TEX10: variants seen among roughly 807,000 people sequenced by gnomAD.
The protein encoded by TEX10 is testis expressed 10.
TEX10 carries 24 observed loss-of-function variants against 104.4 expected under a neutral mutation model. The observed-to-expected ratio is 0.23, with a 90% CI of 0.17 to 0.32. TEX10 has a LOEUF of 0.32. Among genes scored for constraint, TEX10 ranks in the 10% least tolerant of loss-of-function variants. The pLI, the probability that TEX10 is intolerant of heterozygous loss-of-function variation, is 1.00. For missense variants in TEX10, 921 were observed against 1,083.9 expected, an observed-to-expected ratio of 0.85 and a Z score of 2.11; for synonymous variants, 396 against 393.4, an observed-to-expected ratio of 1.01 and a Z score of -0.08.
chr9:100,325,303 T>G (rs776436694), intron 9 of TEX10, among the ~76,000 whole-genome samples: 2 of 152,210 alleles, frequency 1.3e-5, no homozygotes, highest in East Asian at 3.8e-4. Flanking sequence ...ATACTATGAC[T>G]GAAGATATAT....
intron 6 of TEX10, 41 bp from the exon 7 acceptor site, chr9:100,329,316 ATGT>A (rs775121791): frequency 3.2e-6 from 5 of 1,576,454 alleles, no homozygotes; most frequent in Non-Finnish European, 4.3e-6. Context: ...GAATCAAAAA[ATGT>A]TTAACAGCCC....
intron 9 of TEX10, among the ~76,000 whole-genome samples, chr9:100,323,980 G>C (rs984754290): frequency 4.6e-5 from 7 of 152,108 alleles, no homozygotes; most frequent in African/African-American, 1.7e-4. Flanking sequence ...GAGCTATTTT[G>C]AATAAAAAAC....
chr9:100,347,068 A>G lies in TEX10; in HGVS notation c.519T>C (p.Ala173=), dbSNP rs369946094. ...ATATGCTGCTACGGCCAGTAATTAG[A>G]GCTGGGTACTGTTCCAGCAGAATGT... ...VLDILLEQYP[A]LITGRSSILL... The change falls in exon 3 of 15, where the codon GCT becomes GCC. Residue 173 remains alanine, a synonymous_variant. Transcript: ENST00000374902. The G allele has an allele frequency of 1.2e-6, 2 of 1,614,202 alleles. No homozygotes were observed. The highest frequency in any genetic ancestry group is 1.7e-6 in the Non-Finnish European group (2 of 1,180,024).
Position 100,327,947 on chromosome 9 carries a change from C to T in TEX10, c.1641G>A (p.Val547=), listed in dbSNP as rs747367525. 1.9e-6 allele frequency: 3 copies of T among 1,571,362 alleles called. No homozygotes were observed. The South Asian group carries it at 3.6e-5, about 19-fold the overall frequency. The part of the protein sequence containing the change: ...RSCRFRYRSK[V]LSRWLAGLPL... ...GTAAGCCAGCCAGCCAACGGGATAA[C>T]ACTTTACTACGATATCTTAGAAAGG... The change falls in exon 8 of 15, where the codon GTG becomes GTA. Residue 547 remains valine (V), a synonymous_variant. Transcript: ENST00000374902.
At position 100,347,394 on chromosome 9, in the gene TEX10, G is replaced by C; in HGVS notation, c.193C>G (p.Gln65Glu). 6.4e-7 allele frequency: 1 copy of C among 1,573,826 alleles called. No individual in the cohort carries two copies. Among genetic ancestry groups the C allele is most frequent in the Non-Finnish European group, 8.6e-7 (1 of 1,162,860 alleles). ...ACCCCAGCATTGTAGTGATGCATCT[G>C]TGACAGCAAATCCTATAAATAAAAA... ...RKLNIKDLLS[Q>E]MHHYNAGVKQ... The change falls in exon 3 of 15, where the codon CAG becomes GAG. Residue 65 changes from glutamine (Q) to glutamate (E), a missense_variant. Gln to Glu is a conservative substitution (Grantham distance 29, BLOSUM62 2). Around this residue, in one of 3 missense-constraint regions of TEX10, gnomAD observed 118 missense variants for 111.3 expected, o/e 1.06. Coordinates refer to ENST00000374902, the MANE Select transcript of TEX10 (RefSeq NM_017746.4).
intron 13 of TEX10, chr9:100,305,857 A>G (rs971246447): frequency 2.0e-5 from 3 of 152,168 alleles, no homozygotes; most frequent in African/African-American, 7.2e-5. Flanking sequence ...CAAATGTCAA[A>G]CTATCCTACA....
chr9:100,342,856 T>C (rs902660819), intron 4 of TEX10, among the ~76,000 whole-genome samples: 1 of 152,094 alleles, frequency 6.6e-6, no homozygotes, highest in African/African-American at 2.4e-5. Context: ...TTTTAAAAAC[T>C]AGCTATATCG....
rs1327170230 is a variant in TEX10 at position 100,347,388 on chromosome 9, G to A, written c.199C>T (p.His67Tyr). ...LNIKDLLSQMHHYNAGVKQSA... is the reference protein window; with the variant it reads ...LNIKDLLSQMYHYNAGVKQSA... ...TGTTTAACCCCAGCATTGTAGTGATGCATCTGTGACAGCAAATCCTATAAA... is the reference window on the plus strand; with the variant it reads ...TGTTTAACCCCAGCATTGTAGTGATACATCTGTGACAGCAAATCCTATAAA... The change falls in exon 3 of 15, where the codon CAT (histidine) becomes TAT (tyrosine). Residue 67 changes from histidine to tyrosine, a missense_variant. By Grantham distance (83) the His-to-Tyr change is moderately conservative. Around this residue, in one of 3 missense-constraint regions of TEX10, gnomAD observed 118 missense variants for 111.3 expected, o/e 1.06. Coordinates refer to ENST00000374902, the MANE Select transcript of TEX10 (RefSeq NM_017746.4). 1.3e-6 allele frequency: 2 copies of A among 1,587,924 alleles called. No individual in the cohort carries two copies. Among genetic ancestry groups the A allele is most frequent in the Non-Finnish European group, 1.7e-6 (2 of 1,168,092 alleles).
At chr9:100,336,007 G>A (rs540898559) in intron 5 of TEX10, among the ~76,000 whole-genome samples, 2 of 151,442 alleles carry the variant, frequency 1.3e-5, no homozygotes, top group Non-Finnish European at 2.9e-5. Flanking sequence ...GTCTCTACTA[G>A]ATACAAAAAA....
intron 5 of TEX10, among the ~76,000 whole-genome samples, chr9:100,336,807 T>C (rs1285607308): frequency 6.6e-6 from 1 of 152,148 alleles, no homozygotes; most frequent in Non-Finnish European, 1.5e-5. Context: ...TAACTGTGAT[T>C]TGTGCTGCTG....
intron 6 of TEX10, 108 bp downstream of exon 6, chr9:100,329,823 T>A (rs1262937979): frequency 1.4e-5 from 13 of 956,878 alleles, no homozygotes; most frequent in East Asian, 1.2e-4. Flanking sequence ...TTGAATACAA[T>A]TAGCCTGACT....
At chr9:100,316,881 C>T (rs967571974) in intron 11 of TEX10, among the ~76,000 whole-genome samples, 1 of 120,154 alleles carries the variant, frequency 8.3e-6, no homozygotes, top group Admixed American at 9.1e-5. Flanking sequence ...AAGGCAATCC[C>T]ACTTATAATA....
Position 100,329,246 on chromosome 9 carries a change from A to C in TEX10, c.1519T>G (p.Tyr507Asp), listed in dbSNP as rs1482958065. 3 of 1,608,498 alleles carry C rather than the reference A, an allele frequency of 1.9e-6. No individual in the cohort carries two copies. Among genetic ancestry groups the C allele is most frequent in the Non-Finnish European group, 1.7e-6 (2 of 1,178,838 alleles). The change falls in exon 7 of 15, where the codon TAT (tyrosine) becomes GAT (aspartate). Residue 507 changes from tyrosine (Y) to aspartate (D), a missense_variant. Physicochemically the swap from Tyr to Asp is radical, Grantham distance 160. Transcript: ENST00000374902. ...EDTETLIKAV[Y>D]TLYQQRGLIL... ...AGGCCCCTCTGCTGATATAATGTATAAACTGCCTTAATAAGAGTCTCTGTG... is the reference window on the plus strand; with the variant it reads ...AGGCCCCTCTGCTGATATAATGTATCAACTGCCTTAATAAGAGTCTCTGTG...
Position 100,302,177 on chromosome 9 carries a change from G to T in TEX10, c.*14C>A. Reference sequence around the variant, plus strand: ...GTGAATAAACAACTTCAAACAGGAGGTACTATGGCCTCTTCAATACACTGT... The same window carrying T: ...GTGAATAAACAACTTCAAACAGGAGTTACTATGGCCTCTTCAATACACTGT... On this transcript the variant is annotated 3_prime_UTR_variant, in exon 15 of 15. Transcript: ENST00000374902. 6.9e-7 allele frequency: 1 copy of T among 1,457,984 alleles called. No homozygotes were observed. The highest frequency in any genetic ancestry group is 9.4e-7 in the Non-Finnish European group (1 of 1,065,622). 90.3% of individuals were successfully genotyped at this position (1,457,984 alleles called of 1,614,324 possible).
intron 5 of TEX10, among the ~76,000 whole-genome samples, chr9:100,331,289 A>G (rs1051385648): frequency 6.6e-6 from 1 of 151,920 alleles, no homozygotes; most frequent in Non-Finnish European, 1.5e-5. Context: ...AAAATAAAAT[A>G]AGCCAGGCAT....
chr9:100,334,814 G>A (rs960472225), intron 5 of TEX10, among the ~76,000 whole-genome samples: 5 of 151,956 alleles, frequency 3.3e-5, no homozygotes, highest in Admixed American at 2.0e-4. Context: ...ACAGTTGTGC[G>A]CCACCACACT....
At chr9:100,350,510 C>T (rs902867537) in intron 1 of TEX10, among the ~76,000 whole-genome samples, 4 of 152,208 alleles carry the variant, frequency 2.6e-5, no homozygotes, top group Admixed American at 2.6e-4. Context: ...ATAGCCTCTT[C>T]TACCTGGAAC....
At chr9:100,311,685 G>C (rs1452484576) in intron 11 of TEX10, among the ~76,000 whole-genome samples, 2 of 152,144 alleles carry the variant, frequency 1.3e-5, no homozygotes, top group Non-Finnish European at 2.9e-5. Context: ...AAAAAGTAGA[G>C]AGTTAGAAGT....
chr9:100,349,415 G>C (rs769193532), intron 1 of TEX10, 43 bp from the exon 2 acceptor site: 3 of 1,375,804 alleles, frequency 2.2e-6, no homozygotes, highest in Non-Finnish European at 2.9e-6. Context: ...ATAGAGACAA[G>C]AATAAATTAT....
Sources: gnomAD v4.1 joint callset for allele counts (sites outside exome capture counted in the v4.1 genomes callset) on GRCh38, gnomAD v4.1.1 for gene constraint, gnomAD v4.1.1 regional missense constraint, MANE v1.5 for transcripts, NCBI Gene and HGNC (gene_info 2026-07-23, HGNC 2026-07-21) for gene names.